NUDCD3: variants seen among roughly 807,000 people sequenced by gnomAD.
NUDCD3 encodes NudC domain containing 3.
In NUDCD3, 13 loss-of-function variants were observed where a neutral mutation model predicts 39.7. The ratio of observed to expected loss-of-function variants is 0.33; its 90% confidence interval spans 0.21 to 0.52. The LOEUF (loss-of-function observed/expected upper bound fraction) is 0.52, where lower values mean the gene tolerates loss of function less well. Among genes scored for constraint, NUDCD3 ranks in the 20% least tolerant of loss-of-function variants. The pLI, the probability that NUDCD3 is intolerant of heterozygous loss-of-function variation, is 0.96. For synonymous variants in NUDCD3, 175 were observed against 172.4 expected (o/e 1.02, Z -0.12); for missense variants, 453 against 458.1 (o/e 0.99, Z 0.10).
intron 2 of NUDCD3, among the ~76,000 whole-genome samples, chr7:44,434,998 C>T (rs532422990): frequency 6.6e-6 from 1 of 152,324 alleles, no homozygotes; most frequent in Non-Finnish European, 1.5e-5. Context: ...GGAAAGAACT[C>T]ACTGAGCAGC....
intron 2 of NUDCD3, among the ~76,000 whole-genome samples, chr7:44,472,490 A>G (rs996072559): frequency 1.4e-4 from 21 of 152,252 alleles, no homozygotes; most frequent in African/African-American, 5.1e-4. Flanking sequence ...AATCCAAAAC[A>G]TAAATTTAAT....
At chr7:44,404,682 C>T (rs1026616701) in intron 3 of NUDCD3, 99 bp from the exon 4 acceptor site, 26 of 1,267,356 alleles carry the variant, frequency 2.1e-5, no homozygotes, top group Non-Finnish European at 2.5e-5. Context: ...CCTGACTGCA[C>T]ACTACAGCGC....
rs570188374 is a variant in NUDCD3 at position 44,438,348 on chromosome 7, C to A, written c.510-10645G>T. Among the ~76,000 whole-genome samples the A allele has an allele frequency of 1.5e-4, 23 of 152,216 alleles. No homozygotes were observed. The East Asian group carries it at 4.2e-3, about 28-fold the overall frequency. On this transcript the variant is annotated intron_variant, in intron 2 of 5. Coordinates refer to ENST00000355451, the MANE Select transcript of NUDCD3 (RefSeq NM_015332.4). ...TGAGAAAAAATTAGGCCAAAGAAAA[C>A]TCCTAACACTCAAACCTATAGTACC...
intron 2 of NUDCD3, among the ~76,000 whole-genome samples, chr7:44,438,658 C>G (rs977931459): frequency 1.4e-5 from 2 of 140,300 alleles, no homozygotes; most frequent in Admixed American, 8.1e-5. Flanking sequence ...CAAGAGAGTG[C>G]TAAGAGAAGG....
chr7:44,479,848 A>G (rs1033702421), intron 2 of NUDCD3, among the ~76,000 whole-genome samples: 2 of 152,244 alleles, frequency 1.3e-5, no homozygotes, highest in Non-Finnish European at 2.9e-5. Flanking sequence ...GGGTGCAGCT[A>G]AAGGTAGAAC....
intron 1 of NUDCD3, among the ~76,000 whole-genome samples, chr7:44,486,773 T>C (rs774896942): frequency 3.3e-5 from 5 of 152,196 alleles, no homozygotes; most frequent in Non-Finnish European, 7.3e-5. Flanking sequence ...CCAGACTTGA[T>C]AGTCCTCACC....
At chr7:44,451,462 G>A (rs1241371227) in intron 2 of NUDCD3, among the ~76,000 whole-genome samples, 1 of 152,154 alleles carries the variant, frequency 6.6e-6, no homozygotes, top group African/African-American at 2.4e-5. Flanking sequence ...ATAGCTGCAC[G>A]CTTGAAAATG....
rs569227931 is a variant in NUDCD3 at position 44,379,655 on chromosome 7, A to G, written c.*6356T>C. On this transcript the variant is annotated 3_prime_UTR_variant, in exon 6 of 6. Transcript: ENST00000355451. Reference sequence around the variant, plus strand: ...TTGCTTTAAGTTTCTGGGGATAGCAAAAGCTTAAGAAGTGACTCTTGCCAT... The same window carrying G: ...TTGCTTTAAGTTTCTGGGGATAGCAGAAGCTTAAGAAGTGACTCTTGCCAT... 3.9e-5 allele frequency: 6 copies of G among 152,392 alleles called. No homozygotes were observed. The South Asian group carries it at 1.2e-3, about 32-fold the overall frequency. 9.4% of individuals were successfully genotyped at this position (152,392 alleles called of 1,614,324 possible). A position where few individuals can be genotyped will look rare whatever the true frequency, so the allele number is the denominator to read the frequency against.
intron 2 of NUDCD3, among the ~76,000 whole-genome samples, chr7:44,442,072 G>C (rs551620447): frequency 6.6e-6 from 1 of 152,080 alleles, no homozygotes; most frequent in Non-Finnish European, 1.5e-5. Context: ...ATGTTCCTGG[G>C]GTTAATGAGT....
At chr7:44,474,161 C>T (rs1800313741) in intron 2 of NUDCD3, among the ~76,000 whole-genome samples, 1 of 144,496 alleles carries the variant, frequency 6.9e-6, no homozygotes, top group Admixed American at 7.0e-5. Flanking sequence ...TTGTGAAGTA[C>T]ATATATTACC....
chr7:44,426,038 C>T, intron 3 of NUDCD3: 1 of 715,604 alleles, frequency 1.4e-6, no homozygotes, highest in Non-Finnish European at 1.7e-6. Flanking sequence ...TGGCTCCCTG[C>T]TCCATGGAAG....
chr7:44,463,477 T>A (rs977044889), intron 2 of NUDCD3, among the ~76,000 whole-genome samples: 1 of 152,172 alleles, frequency 6.6e-6, no homozygotes, highest in East Asian at 1.9e-4. Flanking sequence ...AACAGGAACC[T>A]CAAATTTAAA....
intron 3 of NUDCD3, among the ~76,000 whole-genome samples, chr7:44,412,921 C>T (rs1448508472): frequency 1.9e-4 from 23 of 121,070 alleles, no homozygotes; most frequent in African/African-American, 6.4e-4. Context: ...AGCGAGACGC[C>T]GTCTCAAAAA....
chr7:44,422,377 A>G (rs902774353), intron 3 of NUDCD3, among the ~76,000 whole-genome samples: 3 of 151,792 alleles, frequency 2.0e-5, no homozygotes, highest in Non-Finnish European at 4.4e-5. Context: ...AGATTAACAA[A>G]ATAGACCACT....
chr7:44,410,930 C>T (rs1798911518), intron 3 of NUDCD3, among the ~76,000 whole-genome samples: 2 of 152,170 alleles, frequency 1.3e-5, no homozygotes, highest in African/African-American at 4.8e-5. Flanking sequence ...CGCGTCACTG[C>T]ACTCCAGCCT....
chr7:44,468,517 G>T (rs1233605753), intron 2 of NUDCD3, among the ~76,000 whole-genome samples: 2 of 151,978 alleles, frequency 1.3e-5, no homozygotes, highest in Admixed American at 6.6e-5. Context: ...TTTTAAAAGG[G>T]GGAAAAAGAC....
At chr7:44,485,807 A>G (rs1419195686) in intron 1 of NUDCD3, among the ~76,000 whole-genome samples, 2 of 152,262 alleles carry the variant, frequency 1.3e-5, no homozygotes, top group Admixed American at 1.3e-4. Context: ...CGCACGCACA[A>G]AAAACATCAA....
chr7:44,482,197 T>C (rs566620565), intron 2 of NUDCD3, among the ~76,000 whole-genome samples: 1 of 152,304 alleles, frequency 6.6e-6, no homozygotes, highest in South Asian at 2.1e-4. Flanking sequence ...CTTGAGTCTT[T>C]GGCTGAATAC....
At chr7:44,434,444 G>A (rs2116912771) in intron 2 of NUDCD3, among the ~76,000 whole-genome samples, 1 of 152,276 alleles carries the variant, frequency 6.6e-6, no homozygotes, top group Non-Finnish European at 1.5e-5. Context: ...AGAGGGTGGT[G>A]CCTCCCTGCC....
Sources: allele counts gnomAD v4.1 joint callset (sites outside exome capture counted in the v4.1 genomes callset), GRCh38; gene constraint gnomAD v4.1.1; transcripts MANE v1.5; gene names NCBI Gene and HGNC (gene_info 2026-07-23, HGNC 2026-07-21).